The following RGS3 variants were observed in gnomAD, a reference collection of about 807,000 sequenced individuals.
RGS3 encodes regulator of G protein signaling 3, also known as regulator of G-protein signalling 3.
Under a neutral mutation model 132.6 loss-of-function variants are expected in RGS3, and 80 were observed. The ratio of observed to expected loss-of-function variants is 0.60; its 90% confidence interval spans 0.50 to 0.73. RGS3 has a LOEUF of 0.73. Ranked by LOEUF, RGS3 falls within the 30% of genes least tolerant of loss-of-function variation. The probability of loss-of-function intolerance (pLI) is 0.00; values close to 1 mark genes in which losing one functional copy is unlikely to be tolerated. For synonymous variants in RGS3, 598 were observed against 620.6 expected, an observed-to-expected ratio of 0.96 and a Z score of 0.54; for missense variants, 1,382 against 1,530.8, an observed-to-expected ratio of 0.90 and a Z score of 1.62.
chr9:113,526,864 C>T (rs1832235732), intron 17 of RGS3, among the ~76,000 whole-genome samples: 1 of 152,222 alleles, frequency 6.6e-6, no homozygotes. Flanking sequence ...CAGATGCGTG[C>T]TGCCCTTCTC....
intron 10 of RGS3, among the ~76,000 whole-genome samples, chr9:113,501,189 G>A (rs1234960964): frequency 1.3e-5 from 2 of 152,158 alleles, no homozygotes; most frequent in Non-Finnish European, 2.9e-5. Flanking sequence ...TTATAGAGCA[G>A]CCACGTTTTC....
chr9:113,561,454 G>C (rs1427222004), intron 19 of RGS3, among the ~76,000 whole-genome samples: 1 of 151,430 alleles, frequency 6.6e-6, no homozygotes, highest in African/African-American at 2.4e-5. Flanking sequence ...CTGTCACCCA[G>C]CTGGGAGTGC....
intron 4 of RGS3, among the ~76,000 whole-genome samples, chr9:113,482,535 G>A (rs149907125): frequency 1.6e-3 from 249 of 152,284 alleles, no homozygotes; most frequent in African/African-American, 5.7e-3. Flanking sequence ...ACGGCACACC[G>A]TGAGTGCCAC....
chr9:113,592,694 G>T (rs996700881), intron 21 of RGS3: 4 of 152,078 alleles, frequency 2.6e-5, no homozygotes, highest in Admixed American at 6.6e-5. Flanking sequence ...TGCCATGTTG[G>T]CCAGGCTGTT....
chr9:113,518,305 G>A (rs946300570), intron 16 of RGS3, among the ~76,000 whole-genome samples: 1 of 152,236 alleles, frequency 6.6e-6, no homozygotes, highest in Non-Finnish European at 1.5e-5. Context: ...TGCAGATCAG[G>A]CCCCAATGTA....
chr9:113,595,556 A>T, intron 23 of RGS3, 43 bp from the exon 22 acceptor site: 1 of 1,602,654 alleles, frequency 6.2e-7, no homozygotes, highest in Non-Finnish European at 8.5e-7. Context: ...AGGGCAGGAG[A>T]GGCTGAGTTT....
chr9:113,484,940 C>T (rs1830282433), intron 6 of RGS3, among the ~76,000 whole-genome samples: 2 of 152,128 alleles, frequency 1.3e-5, no homozygotes, highest in Non-Finnish European at 2.9e-5. Flanking sequence ...TATAGCCCTC[C>T]TACTCACAGA....
intron 7 of RGS3, among the ~76,000 whole-genome samples, chr9:113,486,129 T>C (rs1039737983): frequency 5.3e-5 from 8 of 152,220 alleles, no homozygotes; most frequent in African/African-American, 1.7e-4. Context: ...GGCATATAGA[T>C]GTTTATTAGA....
chr9:113,518,393 G>A (rs1004788266), intron 16 of RGS3, among the ~76,000 whole-genome samples: 9 of 152,190 alleles, frequency 5.9e-5, no homozygotes, highest in Non-Finnish European at 1.3e-4. Flanking sequence ...AGTTTGTATC[G>A]AGACCCAGGT....
At chr9:113,479,418 C>A (rs1352994418) in intron 3 of RGS3, 73 bp from the exon 2 acceptor site, 3 of 1,414,072 alleles carry the variant, frequency 2.1e-6, no homozygotes, top group East Asian at 4.5e-5. Flanking sequence ...ATTTCTGTCA[C>A]CTTTCCTCTA....
At chr9:113,571,528 G>C (rs1405442036) in intron 19 of RGS3, among the ~76,000 whole-genome samples, 1 of 152,074 alleles carries the variant, frequency 6.6e-6, no homozygotes, top group African/African-American at 2.4e-5. Flanking sequence ...CTTTTGAAAA[G>C]TGCCTGTTCA....
At chr9:113,509,977 G>A (rs1252042274) in intron 14 of RGS3, among the ~76,000 whole-genome samples, 2 of 152,162 alleles carry the variant, frequency 1.3e-5, no homozygotes, top group East Asian at 3.8e-4. Flanking sequence ...TGGGGTACAA[G>A]TGGTATTTGG....
chr9:113,466,249 G>A (rs1037169411), intron 3 of RGS3, among the ~76,000 whole-genome samples: 1 of 152,188 alleles, frequency 6.6e-6, no homozygotes, highest in Admixed American at 6.5e-5. Context: ...TCAGTTCACT[G>A]GCCTTTCCTT....
At chr9:113,500,770 C>T (rs984429954) in intron 10 of RGS3, among the ~76,000 whole-genome samples, 1 of 151,524 alleles carries the variant, frequency 6.6e-6, no homozygotes, top group African/African-American at 2.4e-5. Context: ...TCACTGCAAC[C>T]TCTGCCTCCT....
exon 25 of RGS3, chr9:113,596,864 C>T (rs766939522): frequency 1.2e-6 from 2 of 1,613,868 alleles, no homozygotes; most frequent in Non-Finnish European, 1.7e-6. Context: ...CATCTTCGGG[C>T]TCATGGAAAA....
At chr9:113,573,748 C>T (rs921516022) in intron 19 of RGS3, among the ~76,000 whole-genome samples, 2 of 152,190 alleles carry the variant, frequency 1.3e-5, no homozygotes, top group African/African-American at 4.8e-5. Context: ...CAGTCTCCTG[C>T]CCCTCAGTCT....
At chr9:113,519,970 G>A (rs761832002) in intron 16 of RGS3, among the ~76,000 whole-genome samples, 1 of 152,162 alleles carries the variant, frequency 6.6e-6, no homozygotes, top group Non-Finnish European at 1.5e-5. Context: ...TTTACACACT[G>A]ACTCATGGAG....
At chr9:113,541,022 C>T (rs1588223315) in intron 19 of RGS3, among the ~76,000 whole-genome samples, 1 of 152,220 alleles carries the variant, frequency 6.6e-6, no homozygotes, top group Admixed American at 6.5e-5. Flanking sequence ...GAAGCTGCTG[C>T]TGGTGCTCGG....
intron 7 of RGS3, among the ~76,000 whole-genome samples, chr9:113,490,794 G>A (rs1199484833): frequency 6.1e-4 from 72 of 117,970 alleles, no homozygotes; most frequent in African/African-American, 1.1e-3. Flanking sequence ...ATTATATATC[G>A]TTATATATAA....
Sources: gnomAD v4.1 joint callset for allele counts (sites outside exome capture counted in the v4.1 genomes callset) on GRCh38, gnomAD v4.1.1 for gene constraint, MANE v1.5 for transcripts, NCBI Gene and HGNC (gene_info 2026-07-23, HGNC 2026-07-21) for gene names.